The following RNLS variants were observed in gnomAD, a reference collection of about 807,000 sequenced individuals.
The protein encoded by RNLS is renalase, FAD dependent amine oxidase, also known as renalase.
In RNLS, 39 loss-of-function variants were observed where a neutral mutation model predicts 39.8. The ratio of observed to expected loss-of-function variants is 0.98; its 90% CI spans 0.76 to 1.28. The LOEUF is 1.28. RNLS is among the 50% of genes most tolerant of loss of function. The pLI is 0.00. For synonymous variants in RNLS, 147 were observed against 150.7 expected (o/e 0.98, Z 0.18); for missense variants, 410 against 413.3 (o/e 0.99, Z 0.07).
intron 4 of RNLS, among the ~76,000 whole-genome samples, chr10:88,546,111 A>G (rs1442578357): frequency 2.6e-5 from 4 of 152,130 alleles, no homozygotes; most frequent in African/African-American, 9.6e-5. Flanking sequence ...AATATAGAAT[A>G]TTTTCAATAT....
intron 4 of RNLS, among the ~76,000 whole-genome samples, chr10:88,432,442 T>C (rs1316254084): frequency 2.6e-5 from 4 of 151,972 alleles, no homozygotes; most frequent in Non-Finnish European, 5.9e-5. Flanking sequence ...TTGGAGCATT[T>C]AGACCACTTA....
intron 4 of RNLS, among the ~76,000 whole-genome samples, chr10:88,548,105 A>C (rs970410625): frequency 1.3e-5 from 2 of 151,182 alleles, no homozygotes; most frequent in African/African-American, 4.9e-5. Flanking sequence ...CTACTAAAAT[A>C]CAAAAAATTA....
chr10:88,224,167 GCT>G, the RNLS span, among the ~76,000 whole-genome samples: 5 of 152,086 alleles, frequency 3.3e-5, no homozygotes, highest in African/African-American at 1.2e-4. Flanking sequence ...GACATGTATT[GCT>G]CACAATTTTA....
At chr10:88,416,503 T>C (rs1332869943) in intron 4 of RNLS, among the ~76,000 whole-genome samples, 2 of 152,146 alleles carry the variant, frequency 1.3e-5, no homozygotes, top group African/African-American at 4.8e-5. Flanking sequence ...TCCTCCCACC[T>C]TGGCCTCCCA....
chr10:88,260,213 T>C, the RNLS span, among the ~76,000 whole-genome samples: 3 of 152,300 alleles, frequency 2.0e-5, no homozygotes, highest in East Asian at 5.8e-4. Flanking sequence ...AACATGAAGA[T>C]AAGCAAACTT....
chr10:88,318,718 T>C (rs1845950072), intron 5 of RNLS, among the ~76,000 whole-genome samples: 1 of 152,098 alleles, frequency 6.6e-6, no homozygotes, highest in Non-Finnish European at 1.5e-5. Flanking sequence ...CAGTAGCCCA[T>C]AGCCACATTG....
the RNLS span, among the ~76,000 whole-genome samples, chr10:88,230,348 A>G: frequency 3.9e-5 from 6 of 152,104 alleles, no homozygotes; most frequent in Non-Finnish European, 2.9e-5. Flanking sequence ...GTGATATCCA[A>G]CTGGTGGCCG....
chr10:88,392,686 A>T (rs1271286718), intron 4 of RNLS, among the ~76,000 whole-genome samples: 1 of 152,218 alleles, frequency 6.6e-6, no homozygotes, highest in Non-Finnish European at 1.5e-5. Flanking sequence ...GGGAGGTAGG[A>T]GATTCTGATT....
At position 88,581,673 on chromosome 10, in the gene RNLS, C is replaced by G; in HGVS notation, c.261G>C (p.Arg87Ser). 1 of 1,593,008 alleles carries G rather than the reference C, an allele frequency of 6.3e-7. No individual in the cohort carries two copies. Among genetic ancestry groups the G allele is most frequent in the Non-Finnish European group, 8.5e-7 (1 of 1,170,478 alleles). The change falls in exon 3 of 7, where the codon AGG becomes AGC. Residue 87 changes from arginine (R) to serine (S), a missense_variant. Physicochemically the swap from Arg to Ser is moderately radical, Grantham distance 110. Transcript: ENST00000331772. ...YDELLAYGVLRPLSSPIEGMV... is the reference protein window; with the variant it reads ...YDELLAYGVLSPLSSPIEGMV... ...TTCCTTCAATAGGCGAGCTTAGAGGCCTCAAAACGCCATAGGCTAACAGTT... is the reference window on the plus strand; with the variant it reads ...TTCCTTCAATAGGCGAGCTTAGAGGGCTCAAAACGCCATAGGCTAACAGTT...
chr10:88,431,880 C>G (rs1474879935), intron 4 of RNLS, among the ~76,000 whole-genome samples: 1 of 151,492 alleles, frequency 6.6e-6, no homozygotes, highest in Non-Finnish European at 1.5e-5. Flanking sequence ...CTTTATGGCC[C>G]AGGATATTGT....
In RNLS at chr10:88,525,251, G is replaced by A. The variant is rs928597956; in HGVS notation, c.526+47652C>T. On this transcript the variant is annotated intron_variant, in intron 4 of 6. Transcript: ENST00000331772. ...ATATGAAATATATTCTATGGAACAC[G>A]AGAGAACCTGTAACTTCACATTTTT... Among the ~76,000 whole-genome samples the A allele has an allele frequency of 3.3e-5, 5 of 151,202 alleles. No homozygotes were observed. The South Asian group carries it at 1.0e-3, about 32-fold the overall frequency.
At chr10:88,200,999 T>TA in the RNLS span, among the ~76,000 whole-genome samples, 3 of 151,328 alleles carry the variant, frequency 2.0e-5, no homozygotes, top group African/African-American at 7.3e-5. Flanking sequence ...TCCTTTTTTT[T>TA]TTTTTTAACA....
At chr10:88,405,440 A>G (rs747181188) in intron 4 of RNLS, among the ~76,000 whole-genome samples, 2 of 152,096 alleles carry the variant, frequency 1.3e-5, no homozygotes, top group Non-Finnish European at 2.9e-5. Flanking sequence ...GCCTTTTACC[A>G]TTATATAATG....
At chr10:88,394,074 A>C (rs1320132651) in intron 4 of RNLS, among the ~76,000 whole-genome samples, 3 of 152,232 alleles carry the variant, frequency 2.0e-5, no homozygotes, top group African/African-American at 7.2e-5. Flanking sequence ...TGTTAGACCT[A>C]AAACCATAAA....
At chr10:88,294,542 T>C (rs1843929797) in intron 6 of RNLS, among the ~76,000 whole-genome samples, 2 of 152,262 alleles carry the variant, frequency 1.3e-5, no homozygotes, top group Non-Finnish European at 2.9e-5. Context: ...ACCCTTAACG[T>C]TCTCCTATTT....
intron 4 of RNLS, among the ~76,000 whole-genome samples, chr10:88,523,437 G>A (rs1846883610): frequency 6.6e-6 from 1 of 152,090 alleles, no homozygotes; most frequent in Admixed American, 6.6e-5. Context: ...TCAAATGTCA[G>A]TTTAAGCCTA....
intron 6 of RNLS, among the ~76,000 whole-genome samples, chr10:88,275,424 C>T (rs898812339): frequency 6.6e-6 from 1 of 152,132 alleles, no homozygotes; most frequent in Non-Finnish European, 1.5e-5. Context: ...CTTATAAAAA[C>T]TCTTGCACAA....
chr10:88,265,325 T>A, the RNLS span, among the ~76,000 whole-genome samples: 4 of 17,238 alleles, frequency 2.3e-4, no homozygotes, highest in African/African-American at 4.4e-4. Flanking sequence ...GGGTTTTTCT[T>A]TTTTTTTTTT....
intron 4 of RNLS, among the ~76,000 whole-genome samples, chr10:88,452,919 G>T (rs1214820264): frequency 6.6e-6 from 1 of 152,214 alleles, no homozygotes; most frequent in African/African-American, 2.4e-5. Context: ...GGTCTGAAAA[G>T]AATGTGGTGA....
Sources: allele counts gnomAD v4.1 joint callset (sites outside exome capture counted in the v4.1 genomes callset), GRCh38; gene constraint gnomAD v4.1.1; transcripts MANE v1.5; gene names NCBI Gene and HGNC (gene_info 2026-07-23, HGNC 2026-07-21).